Variants in PPP4R2 observed in about 807,000 individuals in gnomAD.
PPP4R2 encodes the protein serine/threonine-protein phosphatase 4 regulatory subunit 2.
In PPP4R2, 13 loss-of-function variants were observed where a neutral mutation model predicts 47.2. The ratio of observed to expected loss-of-function variants is 0.28; its 90% CI spans 0.18 to 0.44. The LOEUF (loss-of-function observed/expected upper bound fraction) is 0.44, where lower values mean the gene tolerates loss of function less well. Ranked by LOEUF, PPP4R2 falls within the 20% of genes least tolerant of loss-of-function variation. The pLI is 1.00. For missense variants in PPP4R2, 421 were observed against 491.2 expected, an observed-to-expected ratio of 0.86 and a Z score of 1.35; for synonymous variants, 151 against 163.3, an observed-to-expected ratio of 0.92 and a Z score of 0.57.
chr3:73,051,378 G>A (rs1466705162), intron 3 of PPP4R2, among the ~76,000 whole-genome samples: 10 of 152,160 alleles, frequency 6.6e-5, no homozygotes, highest in Admixed American at 4.6e-4. Flanking sequence ...TACTGTATAT[G>A]TGTCTGTATT....
chr3:73,038,426 T>A (rs1399493676), intron 2 of PPP4R2, among the ~76,000 whole-genome samples: 1 of 151,586 alleles, frequency 6.6e-6, no homozygotes, highest in African/African-American at 2.4e-5. Context: ...CCCAGTGGAG[T>A]GCAGTGTCAC....
chr3:73,054,312 AT>A (rs1702684294), intron 3 of PPP4R2, among the ~76,000 whole-genome samples: 1 of 152,180 alleles, frequency 6.6e-6, no homozygotes, highest in Non-Finnish European at 1.5e-5. Context: ...AAATATAAAT[AT>A]TTATGAATGT....
chr3:73,024,343 T>A (rs1283058746), intron 2 of PPP4R2, among the ~76,000 whole-genome samples: 1 of 152,166 alleles, frequency 6.6e-6, no homozygotes, highest in Non-Finnish European at 1.5e-5. Flanking sequence ...ATAAAGTTAC[T>A]TTATTGGTAG....
At chr3:73,020,328 A>G (rs1701932709) in intron 2 of PPP4R2, among the ~76,000 whole-genome samples, 1 of 152,126 alleles carries the variant, frequency 6.6e-6, no homozygotes, top group South Asian at 2.1e-4. Context: ...AGCTGAGACT[A>G]CAAGCACACA....
intron 3 of PPP4R2, among the ~76,000 whole-genome samples, chr3:73,052,559 A>G (rs955940863): frequency 1.5e-5 from 2 of 136,440 alleles, no homozygotes; most frequent in South Asian, 2.6e-4. Context: ...GTTCATTCCT[A>G]TAATGGTATA....
intron 3 of PPP4R2, among the ~76,000 whole-genome samples, chr3:73,049,678 G>C (rs1421278280): frequency 6.6e-6 from 1 of 151,406 alleles, no homozygotes; most frequent in Non-Finnish European, 1.5e-5. Flanking sequence ...TTGTTATTCT[G>C]AATTAGTAAT....
In PPP4R2 at chr3:73,012,768, G is replaced by A. The variant is rs533647644; in HGVS notation, c.116+14610G>A. 1.1e-4 allele frequency among the ~76,000 whole-genome samples: 17 copies of A among 152,260 alleles called. 1 individual carries two copies. Among genetic ancestry groups the A allele is most frequent in the Admixed American group, 9.2e-4 (14 of 15,290 alleles). On this transcript the variant is annotated intron_variant, in intron 2 of 8. Coordinates refer to ENST00000356692, the MANE Select transcript of PPP4R2 (RefSeq NM_174907.4). ...TGTTGTCTATGGTGATTTCCAGGGT[G>A]GCTTTTGAGGTGGTGGCCGTTTTTG...
At chr3:73,044,220 TTTGTTGTTG>T (rs35270798) in intron 2 of PPP4R2, among the ~76,000 whole-genome samples, 2 of 150,976 alleles carry the variant, frequency 1.3e-5, no homozygotes, top group African/African-American at 2.4e-5. Context: ...TTTCATAATT[TTTGTTGTTG>T]TTGTTGTTGT....
At chr3:73,017,713 G>A (rs1224021295) in intron 2 of PPP4R2, among the ~76,000 whole-genome samples, 1 of 152,024 alleles carries the variant, frequency 6.6e-6, no homozygotes, top group East Asian at 1.9e-4. Context: ...GTGTGGAGAA[G>A]TCTACTAAAT....
intron 2 of PPP4R2, among the ~76,000 whole-genome samples, chr3:73,026,582 A>G (rs1466010427): frequency 1.3e-5 from 2 of 152,136 alleles, no homozygotes; most frequent in Admixed American, 6.5e-5. Flanking sequence ...TTTGCATTAA[A>G]TGTTTTTTGG....
chr3:73,017,035 C>G (rs964207349), intron 2 of PPP4R2, among the ~76,000 whole-genome samples: 1 of 151,960 alleles, frequency 6.6e-6, no homozygotes, highest in Non-Finnish European at 1.5e-5. Flanking sequence ...TCATGTTGCC[C>G]AGGCTGGTCC....
At chr3:73,031,067 C>T (rs1702156985) in intron 2 of PPP4R2, among the ~76,000 whole-genome samples, 1 of 151,912 alleles carries the variant, frequency 6.6e-6, no homozygotes, top group Non-Finnish European at 1.5e-5. Context: ...GGTTGAGGGA[C>T]AGTAAAAAGG....
At chr3:73,061,663 G>A (rs1269736405) in intron 5 of PPP4R2, 3 of 180,326 alleles carry the variant, frequency 1.7e-5, no homozygotes, top group Non-Finnish European at 3.4e-5. Flanking sequence ...AGATGTGAAA[G>A]GCAGGGAGGG....
chr3:73,010,308 G>C (rs1701696841), intron 2 of PPP4R2, among the ~76,000 whole-genome samples: 1 of 150,560 alleles, frequency 6.6e-6, no homozygotes, highest in Non-Finnish European at 1.5e-5. Context: ...CTGCAGCCTT[G>C]ACCTCCCGGG....
intron 2 of PPP4R2, among the ~76,000 whole-genome samples, chr3:73,028,689 A>G (rs985377630): frequency 5.9e-5 from 9 of 151,814 alleles, no homozygotes; most frequent in African/African-American, 2.2e-4. Context: ...CCGCCCGCCT[A>G]GGCCTCCCAA....
intron 2 of PPP4R2, among the ~76,000 whole-genome samples, chr3:73,023,971 T>C (rs954256064): frequency 3.9e-5 from 6 of 152,178 alleles, no homozygotes; most frequent in African/African-American, 1.4e-4. Flanking sequence ...GTTTCATCAT[T>C]AGTAGCTTAA....
intron 5 of PPP4R2, chr3:73,062,364 C>T: frequency 6.2e-7 from 1 of 1,606,658 alleles, no homozygotes; most frequent in Non-Finnish European, 8.5e-7. Context: ...GGAACCCCAA[C>T]CCAGCATTGG....
At chr3:73,060,973 ATGTTGTAGTAC>A in intron 4 of PPP4R2, 39 bp from the exon 5 acceptor site, 1 of 1,303,266 alleles carries the variant, frequency 7.7e-7, no homozygotes, top group South Asian at 1.4e-5. Flanking sequence ...ATGAAACTTT[ATGTTGTAGTAC>A]TTTTCTTCAT....
intron 2 of PPP4R2, among the ~76,000 whole-genome samples, chr3:73,012,857 G>GT (rs1701751990): frequency 6.6e-6 from 1 of 150,558 alleles, no homozygotes; most frequent in Non-Finnish European, 1.5e-5. Context: ...ATACTAGAGT[G>GT]TGTCTTGCTG....
Sources: allele counts gnomAD v4.1 joint callset (sites outside exome capture counted in the v4.1 genomes callset), GRCh38; gene constraint gnomAD v4.1.1; transcripts MANE v1.5; gene names NCBI Gene and HGNC (gene_info 2026-07-23, HGNC 2026-07-21).